The following SPOCK1 variants were observed in gnomAD, a reference collection of about 807,000 sequenced individuals.
The protein encoded by SPOCK1 is testican-1.
SPOCK1 carries 23 observed loss-of-function variants against 55.3 expected under a neutral mutation model. That is an observed-to-expected ratio of 0.42 (90% CI 0.30 to 0.59). The LOEUF (loss-of-function observed/expected upper bound fraction) is 0.59. SPOCK1 is among the 20% of genes least tolerant of loss of function. SPOCK1 has a pLI of 0.22. For synonymous variants in SPOCK1, 226 were observed against 221.0 expected, an observed-to-expected ratio of 1.02 and a Z score of -0.20; for missense variants, 499 against 552.5, an observed-to-expected ratio of 0.90 and a Z score of 0.97.
chr5:137,411,479 A>C (rs962258298), intron 2 of SPOCK1, among the ~76,000 whole-genome samples: 1 of 152,186 alleles, frequency 6.6e-6, no homozygotes, highest in Admixed American at 6.5e-5. Context: ...TCTGAAGTTA[A>C]CAAGGAGCCC....
chr5:137,271,981 C>T (rs1343120566), intron 2 of SPOCK1, among the ~76,000 whole-genome samples: 2 of 152,054 alleles, frequency 1.3e-5, no homozygotes, highest in African/African-American at 2.4e-5. Context: ...TTGTCTTGAC[C>T]AGGAGGGAGC....
At chr5:137,385,432 G>T (rs945208446) in intron 2 of SPOCK1, among the ~76,000 whole-genome samples, 15 of 152,212 alleles carry the variant, frequency 9.9e-5, no homozygotes, top group Admixed American at 8.5e-4. Context: ...GACCAGCTTT[G>T]TAGGAATGTT....
intron 2 of SPOCK1, among the ~76,000 whole-genome samples, chr5:137,300,473 G>T (rs1757568554): frequency 2.0e-5 from 3 of 152,136 alleles, no homozygotes; most frequent in Non-Finnish European, 4.4e-5. Context: ...GAGTCTCTAG[G>T]TTCTTTTATC....
chr5:137,486,340 C>T (rs1459908875), intron 2 of SPOCK1, among the ~76,000 whole-genome samples: 1 of 152,204 alleles, frequency 6.6e-6, no homozygotes, highest in African/African-American at 2.4e-5. Flanking sequence ...AAGGACAATG[C>T]CTCTGGAAGC....
In SPOCK1 at chr5:137,498,554, G is replaced by C; in HGVS notation, c.5C>G (p.Pro2Arg). 2.6e-6 allele frequency: 4 copies of C among 1,516,108 alleles called. No homozygotes were observed. The highest frequency in any genetic ancestry group is 2.6e-6 in the Non-Finnish European group (3 of 1,138,620). 93.9% of individuals were successfully genotyped at this position (1,516,108 alleles called of 1,614,324 possible). A position where few individuals can be genotyped will look rare whatever the true frequency, so the allele number is the denominator to read the frequency against. Residue 2 changes from proline (P) to arginine (R), a missense_variant, in exon 2 of 11, where the codon CCG becomes CGG. Pro to Arg is a moderately radical substitution (Grantham distance 103). This residue lies in a region of SPOCK1 where 386 missense variants were observed against 400.6 expected (regional missense o/e 0.96). Coordinates refer to ENST00000394945, the MANE Select transcript of SPOCK1 (RefSeq NM_004598.4). M[P>R]AIAVLAAAAA... ...GGCCGCCGCCAACACCGCGATCGCC[G>C]GCATCTGCGGGGCAGGGCGCGCAGG...
chr5:137,366,793 C>T (rs1272681370), intron 2 of SPOCK1, among the ~76,000 whole-genome samples: 1 of 152,062 alleles, frequency 6.6e-6, no homozygotes, highest in African/African-American at 2.4e-5. Context: ...AAAGTCAGAA[C>T]CAGAGGGAAA....
intron 2 of SPOCK1, among the ~76,000 whole-genome samples, chr5:137,403,811 C>G (rs939378030): frequency 1.3e-5 from 2 of 151,998 alleles, no homozygotes; most frequent in African/African-American, 4.8e-5. Context: ...GGAGGGGTAA[C>G]AGGAGGCCTG....
intron 6 of SPOCK1, among the ~76,000 whole-genome samples, chr5:137,001,138 T>C (rs918805810): frequency 3.9e-5 from 6 of 152,190 alleles, no homozygotes; most frequent in Non-Finnish European, 5.9e-5. Flanking sequence ...ATCTCTAGAA[T>C]GAAGGTGATA....
chr5:137,281,297 C>T lies in SPOCK1; in HGVS notation c.187-14242G>A, dbSNP rs73306955. ...ACTAAAATCTACAGTATAAGGTCCA[C>T]GTACACCAGTGGCATAGACTCTGAG... is the stretch of plus-strand genomic sequence containing the variant. On this transcript the variant is annotated intron_variant, in intron 2 of 10. Transcript: ENST00000394945. Among the ~76,000 whole-genome samples the T allele has an allele frequency of 2.1e-3, 313 of 152,276 alleles. 1 individual carries two copies. The highest frequency in any genetic ancestry group is 7.1e-3 in the African/African-American group (296 of 41,558).
intron 3 of SPOCK1, among the ~76,000 whole-genome samples, chr5:137,171,492 A>T (rs562812661): frequency 1.3e-5 from 2 of 152,288 alleles, no homozygotes; most frequent in South Asian, 4.1e-4. Context: ...AATGTGGAGG[A>T]TCAGGACCCA....
chr5:137,430,195 G>T (rs1752714969), intron 2 of SPOCK1, among the ~76,000 whole-genome samples: 1 of 152,228 alleles, frequency 6.6e-6, no homozygotes, highest in Admixed American at 6.5e-5. Flanking sequence ...ATCTTAAAAA[G>T]ATGACATTGC....
intron 3 of SPOCK1, among the ~76,000 whole-genome samples, chr5:137,141,208 C>T (rs184187353): frequency 6.6e-5 from 10 of 152,212 alleles, no homozygotes; most frequent in Admixed American, 6.5e-4. Flanking sequence ...TCCTCAACAT[C>T]AGGGGAGCAA....
At chr5:137,127,628 T>C (rs552696383) in intron 4 of SPOCK1, among the ~76,000 whole-genome samples, 5 of 152,276 alleles carry the variant, frequency 3.3e-5, no homozygotes, top group Non-Finnish European at 7.3e-5. Context: ...TAAAGTTTAC[T>C]ACTATTTGCC....
intron 6 of SPOCK1, among the ~76,000 whole-genome samples, chr5:137,054,901 A>G (rs1752273230): frequency 6.6e-6 from 1 of 152,182 alleles, no homozygotes; most frequent in Non-Finnish European, 1.5e-5. Flanking sequence ...GAAGGTCACA[A>G]TCTAATGAGT....
At chr5:137,472,581 C>A (rs2149839977) in intron 2 of SPOCK1, among the ~76,000 whole-genome samples, 2 of 152,258 alleles carry the variant, frequency 1.3e-5, no homozygotes, top group Middle Eastern at 3.4e-3. Context: ...AATGTATATG[C>A]CCTTGGACCA....
At chr5:137,018,301 A>G (rs1000909658) in intron 6 of SPOCK1, among the ~76,000 whole-genome samples, 2 of 152,258 alleles carry the variant, frequency 1.3e-5, no homozygotes, top group African/African-American at 4.8e-5. Flanking sequence ...GGGACCAGTC[A>G]GGTGACCTGG....
chr5:137,142,295 G>T (rs988971712), intron 3 of SPOCK1, among the ~76,000 whole-genome samples: 3 of 152,202 alleles, frequency 2.0e-5, no homozygotes, highest in African/African-American at 7.2e-5. Flanking sequence ...TCAGCATGTA[G>T]AGGACATCAC....
chr5:137,245,781 A>AAC (rs1756383043), intron 3 of SPOCK1, among the ~76,000 whole-genome samples: 1 of 131,344 alleles, frequency 7.6e-6, no homozygotes, highest in Admixed American at 7.6e-5. Context: ...CAAAACAAAA[A>AAC]AAAAACAAAA....
At chr5:137,277,162 A>T (rs1757083228) in intron 2 of SPOCK1, among the ~76,000 whole-genome samples, 1 of 151,918 alleles carries the variant, frequency 6.6e-6, no homozygotes, top group Non-Finnish European at 1.5e-5. Flanking sequence ...CTACAGGTGT[A>T]CACCACCATG....
Sources: gnomAD v4.1 joint callset for allele counts (sites outside exome capture counted in the v4.1 genomes callset) on GRCh38, gnomAD v4.1.1 for gene constraint, gnomAD v4.1.1 regional missense constraint, MANE v1.5 for transcripts, NCBI Gene and HGNC (gene_info 2026-07-23, HGNC 2026-07-21) for gene names.